Variants in ANKRD30B observed in about 807,000 individuals in gnomAD.
ANKRD30B encodes the protein ankyrin repeat domain-containing protein 30B.
ANKRD30B carries 144 observed loss-of-function variants against 202.2 expected under a neutral mutation model. That is an observed-to-expected ratio of 0.71 (90% confidence interval 0.62 to 0.82). ANKRD30B has a LOEUF of 0.82. ANKRD30B is among the 40% of genes least tolerant of loss of function. ANKRD30B has a pLI of 0.00. For missense variants in ANKRD30B, 1,487 were observed against 1,669.1 expected, an observed-to-expected ratio of 0.89 and a Z score of 1.90; for synonymous variants, 508 against 561.3, an observed-to-expected ratio of 0.91 and a Z score of 1.34.
chr18:14,835,580 T>A (rs1249375420), intron 34 of ANKRD30B, among the ~76,000 whole-genome samples: 2 of 151,636 alleles, frequency 1.3e-5, no homozygotes, highest in African/African-American at 4.8e-5. Flanking sequence ...CTCCTATGAA[T>A]ACTGAATTCT....
At chr18:14,783,830 G>A (rs1194504121) in intron 12 of ANKRD30B, among the ~76,000 whole-genome samples, 4 of 151,940 alleles carry the variant, frequency 2.6e-5, no homozygotes, top group Non-Finnish European at 5.9e-5. Context: ...ATATGGTTAT[G>A]GAAAACAGTG....
At chr18:14,844,746 T>C (rs1053100632) in intron 39 of ANKRD30B, among the ~76,000 whole-genome samples, 5 of 152,170 alleles carry the variant, frequency 3.3e-5, no homozygotes, top group Non-Finnish European at 7.4e-5. Flanking sequence ...CCAGCACCTG[T>C]TGTTTCCTGA....
chr18:14,841,456 A>T lies in ANKRD30B; in HGVS notation c.3079+778A>T, dbSNP rs577005681. 5.9e-5 allele frequency among the ~76,000 whole-genome samples: 9 copies of T among 152,314 alleles called. No individual in the cohort carries two copies. The East Asian group carries it at 1.7e-3, about 29-fold the overall frequency. Reference sequence around the variant, plus strand: ...TCTGGAAGAAGGGCAGTTGGATAGAAGTTCAAGACATAACAGGGTCAAGAG... The same window carrying T: ...TCTGGAAGAAGGGCAGTTGGATAGATGTTCAAGACATAACAGGGTCAAGAG... On this transcript the variant is annotated intron_variant, in intron 37 of 43. Transcript: ENST00000690538.
chr18:14,855,539 TCAC>T (rs1199529552), downstream of ANKRD30B, among the ~76,000 whole-genome samples: 1 of 150,952 alleles, frequency 6.6e-6, no homozygotes, highest in African/African-American at 2.5e-5. Context: ...GAGGCGCTCC[TCAC>T]TTCCCAGATG....
the ANKRD30B span, among the ~76,000 whole-genome samples, chr18:14,870,021 A>C: frequency 6.6e-6 from 1 of 151,968 alleles, no homozygotes; most frequent in Non-Finnish European, 1.5e-5. Flanking sequence ...TTTTTAGTAG[A>C]GATGAGGTTT....
intron 24 of ANKRD30B, among the ~76,000 whole-genome samples, chr18:14,804,662 A>T (rs527562296): frequency 6.6e-6 from 1 of 150,856 alleles, no homozygotes; most frequent in African/African-American, 2.4e-5. Flanking sequence ...GTCAGGAGAA[A>T]GCATTATGGT....
intron 10 of ANKRD30B, among the ~76,000 whole-genome samples, chr18:14,778,621 G>A (rs148775428): frequency 0.013 from 1,974 of 152,294 alleles, 25 homozygotes; most frequent in Non-Finnish European, 0.021. Flanking sequence ...ACAGCTGTGC[G>A]TGTATATAAT....
At chr18:14,838,039 A>T (rs1484165602) in intron 36 of ANKRD30B, among the ~76,000 whole-genome samples, 2 of 152,218 alleles carry the variant, frequency 1.3e-5, no homozygotes, top group Admixed American at 6.5e-5. Flanking sequence ...AAAAAAAAGA[A>T]ATTATTTTCT....
chr18:14,871,289 G>C, the ANKRD30B span, among the ~76,000 whole-genome samples: 1 of 120,892 alleles, frequency 8.3e-6, no homozygotes, highest in Non-Finnish European at 1.6e-5. Context: ...CCTCCTCCTA[G>C]AGCTGGGTCA....
chr18:14,783,114 A>T (rs1241921703), intron 12 of ANKRD30B, among the ~76,000 whole-genome samples: 1 of 152,112 alleles, frequency 6.6e-6, no homozygotes, highest in Non-Finnish European at 1.5e-5. Context: ...AGGCATTAGG[A>T]ATGGAATTAT....
chr18:14,816,053 A>T (rs929547276), intron 30 of ANKRD30B: 38 of 152,188 alleles, frequency 2.5e-4, no homozygotes, highest in Admixed American at 6.5e-5. Flanking sequence ...TTACCTTCTC[A>T]GTGACAGGAC....
At chr18:14,866,780 G>A in the ANKRD30B span, among the ~76,000 whole-genome samples, 2 of 152,004 alleles carry the variant, frequency 1.3e-5, no homozygotes, top group Non-Finnish European at 2.9e-5. Context: ...CAGTGGGGCA[G>A]GTTCACTGCG....
the ANKRD30B span, among the ~76,000 whole-genome samples, chr18:14,872,522 A>G: frequency 6.6e-6 from 1 of 152,152 alleles, no homozygotes; most frequent in African/African-American, 2.4e-5. Context: ...CACTGCTGCC[A>G]TTGGTTATAT....
rs1307401958 is a variant in ANKRD30B, at chr18:14,769,375, T to A, written c.1256+2T>A. ...GAGTTCTGTAGAGCCTATATTCAGGTAAGACTTTGCGGTTTTTTAAAACGA... is the reference window on the plus strand; with the variant it reads ...GAGTTCTGTAGAGCCTATATTCAGGAAAGACTTTGCGGTTTTTTAAAACGA... On this transcript the variant is annotated splice_donor_variant, in intron 8 of 43. Coordinates refer to ENST00000690538, the MANE Select transcript of ANKRD30B (RefSeq NM_001367607.2). LOFTEE classifies it high-confidence loss of function. 6.5e-7 allele frequency: 1 copy of A among 1,544,996 alleles called. No individual in the cohort carries two copies. Among genetic ancestry groups the A allele is most frequent in the East Asian group, 2.5e-5 (1 of 40,782 alleles).
chr18:14,768,793 T>C (rs1916650823), intron 7 of ANKRD30B, among the ~76,000 whole-genome samples: 1 of 152,226 alleles, frequency 6.6e-6, no homozygotes, highest in Admixed American at 6.5e-5. Flanking sequence ...TTATACTTTC[T>C]AAGGTTGACA....
At chr18:14,786,036 C>T (rs1358818327) in intron 14 of ANKRD30B, among the ~76,000 whole-genome samples, 1 of 98,590 alleles carries the variant, frequency 1.0e-5, no homozygotes, top group Non-Finnish European at 1.8e-5. Context: ...CAGAGCGAGA[C>T]TCCGTCTCAA....
At chr18:14,896,183 G>A in the ANKRD30B span, among the ~76,000 whole-genome samples, 1 of 151,510 alleles carries the variant, frequency 6.6e-6, no homozygotes, top group East Asian at 1.9e-4. Flanking sequence ...CCAGGCTGGA[G>A]TGCAGTGGCG....
At chr18:14,791,259 T>C in intron 15 of ANKRD30B, 142 bp from the exon 16 acceptor site, 1 of 626,304 alleles carries the variant, frequency 1.6e-6, no homozygotes, top group South Asian at 2.1e-5. Flanking sequence ...GTTTTGATTT[T>C]CTATACGTGT....
chr18:14,784,109 G>T (rs558353816), intron 12 of ANKRD30B, among the ~76,000 whole-genome samples: 1 of 152,002 alleles, frequency 6.6e-6, no homozygotes, highest in African/African-American at 2.4e-5. Flanking sequence ...ACACAATCTC[G>T]CTTTTGAGGT....
Sources: allele counts gnomAD v4.1 joint callset (sites outside exome capture counted in the v4.1 genomes callset), GRCh38; gene constraint gnomAD v4.1.1; transcripts MANE v1.5; gene names NCBI Gene and HGNC (gene_info 2026-07-23, HGNC 2026-07-21).